EEFSEC: variants seen among roughly 807,000 people sequenced by gnomAD.
The protein encoded by EEFSEC is eukaryotic elongation factor, selenocysteine-tRNA specific.
In EEFSEC, 43 loss-of-function variants were observed where a neutral mutation model predicts 42.1. That is an observed-to-expected ratio of 1.02 (90% CI 0.80 to 1.32). The LOEUF (loss-of-function observed/expected upper bound fraction) is 1.32, where lower values mean the gene tolerates loss of function less well. EEFSEC is among the 40% of genes most tolerant of loss of function. The pLI is 0.00. For synonymous variants in EEFSEC, 354 were observed against 339.1 expected, an observed-to-expected ratio of 1.04 and a Z score of -0.48; for missense variants, 745 against 803.6, an observed-to-expected ratio of 0.93 and a Z score of 0.88.
intron 1 of EEFSEC, among the ~76,000 whole-genome samples, chr3:128,155,217 C>T (rs925379396): frequency 2.6e-5 from 4 of 152,080 alleles, no homozygotes; most frequent in Admixed American, 1.3e-4. Flanking sequence ...CCGGTTCAAG[C>T]GATTCTCCTG....
At chr3:128,163,221 G>A (rs2955118) in intron 1 of EEFSEC, among the ~76,000 whole-genome samples, 64,608 of 146,714 alleles carry the variant, frequency 0.44, 16,448 homozygotes, top group African/African-American at 0.72. Flanking sequence ...AGTCTTGGTG[G>A]GGGTAGAGCC....
intron 5 of EEFSEC, among the ~76,000 whole-genome samples, chr3:128,349,259 TG>T (rs1226034443): frequency 6.6e-6 from 1 of 150,850 alleles, no homozygotes; most frequent in African/African-American, 2.4e-5. Flanking sequence ...TTGGGGGCTA[TG>T]GGGGGTGTTC....
the EEFSEC span, among the ~76,000 whole-genome samples, chr3:128,420,031 C>G: frequency 6.6e-6 from 1 of 152,034 alleles, no homozygotes; most frequent in Non-Finnish European, 1.5e-5. Flanking sequence ...CCAGGAGAGA[C>G]AGAGACAGTG....
At chr3:128,156,093 T>C (rs752039304) in intron 1 of EEFSEC, among the ~76,000 whole-genome samples, 5 of 152,186 alleles carry the variant, frequency 3.3e-5, no homozygotes, top group Admixed American at 6.5e-5. Context: ...GTCTAGTAAA[T>C]AGGGTAGATG....
At chr3:128,192,740 G>T (rs1290644103) in intron 1 of EEFSEC, among the ~76,000 whole-genome samples, 1 of 152,136 alleles carries the variant, frequency 6.6e-6, no homozygotes, top group Non-Finnish European at 1.5e-5. Context: ...ATATTTGTTG[G>T]GGGAGGAGGT....
In EEFSEC at chr3:128,256,519, G is replaced by A. The variant is rs181822653; in HGVS notation, c.525-5609G>A. ...GCATCATGCCTCCCTTTCCTCATCA[G>A]CACCAAGACACTGGCAGCCGGGCCA... On this transcript the variant is annotated intron_variant, in intron 2 of 6. Coordinates refer to ENST00000254730, the MANE Select transcript of EEFSEC (RefSeq NM_021937.5). Among the ~76,000 whole-genome samples, 56 of 152,292 alleles carry A rather than the reference G, an allele frequency of 3.7e-4. No individual in the cohort carries two copies. In the East Asian group the frequency reaches 0.011, roughly 29 times the overall value.
chr3:128,238,487 C>T (rs1203428459), intron 1 of EEFSEC, among the ~76,000 whole-genome samples: 1 of 152,174 alleles, frequency 6.6e-6, no homozygotes, highest in East Asian at 1.9e-4. Flanking sequence ...CAATTCAGCT[C>T]TCAATCCACA....
At chr3:128,196,279 G>A (rs1402189615) in intron 1 of EEFSEC, among the ~76,000 whole-genome samples, 1 of 152,166 alleles carries the variant, frequency 6.6e-6, no homozygotes, top group South Asian at 2.1e-4. Context: ...AGAAACACAC[G>A]ATTTTCCTTG....
At chr3:128,338,769 T>C (rs1279983038) in intron 4 of EEFSEC, among the ~76,000 whole-genome samples, 3 of 151,872 alleles carry the variant, frequency 2.0e-5, no homozygotes, top group African/African-American at 7.3e-5. Context: ...GCCCTGTGAG[T>C]GAGGCTTTTC....
intron 6 of EEFSEC, among the ~76,000 whole-genome samples, chr3:128,369,622 G>A (rs737200): frequency 2.6e-5 from 4 of 152,198 alleles, no homozygotes; most frequent in Non-Finnish European, 5.9e-5. Flanking sequence ...CAAGAGCTTC[G>A]GAGGCAGCCA....
chr3:128,339,957 GA>G (rs989417507), intron 4 of EEFSEC, among the ~76,000 whole-genome samples: 4 of 152,260 alleles, frequency 2.6e-5, no homozygotes, highest in Middle Eastern at 3.4e-3. Flanking sequence ...CAGTATGGGG[GA>G]AAGCACCCCT....
rs2065532850 is a variant in EEFSEC, at chr3:128,192,300, G to A, written c.316+38477G>A. 2.6e-5 allele frequency among the ~76,000 whole-genome samples: 4 copies of A among 152,312 alleles called. No homozygotes were observed. The South Asian group carries it at 8.3e-4, about 32-fold the overall frequency. On this transcript the variant is annotated intron_variant, in intron 1 of 6. Coordinates refer to ENST00000254730, the MANE Select transcript of EEFSEC (RefSeq NM_021937.5). ...GTGAACCTGACACGGTTGGGTGTGA[G>A]AAGCCTGCTGGTTCTCAGGTGTGCC...
At chr3:128,425,319 C>G in the EEFSEC span, among the ~76,000 whole-genome samples, 1 of 152,198 alleles carries the variant, frequency 6.6e-6, no homozygotes, top group Non-Finnish European at 1.5e-5. Flanking sequence ...GGGATTCATG[C>G]TTGTGGCTGC....
chr3:128,300,804 C>T (rs1180044527), intron 4 of EEFSEC, among the ~76,000 whole-genome samples: 2 of 152,112 alleles, frequency 1.3e-5, no homozygotes, highest in Non-Finnish European at 2.9e-5. Flanking sequence ...AGAAGTTTGA[C>T]AATTTGAAAA....
chr3:128,334,306 C>T (rs538420562), intron 4 of EEFSEC, among the ~76,000 whole-genome samples: 1 of 152,304 alleles, frequency 6.6e-6, no homozygotes, highest in East Asian at 1.9e-4. Flanking sequence ...CTGCTTCTGC[C>T]CCAGGAGCCA....
chr3:128,286,752 G>A (rs1244052378), intron 4 of EEFSEC, among the ~76,000 whole-genome samples: 2 of 152,142 alleles, frequency 1.3e-5, no homozygotes, highest in Non-Finnish European at 2.9e-5. Context: ...TTGCTGCTGG[G>A]GCATCATTGC....
At chr3:128,289,875 C>T (rs1483091380) in intron 4 of EEFSEC, among the ~76,000 whole-genome samples, 1 of 152,160 alleles carries the variant, frequency 6.6e-6, no homozygotes, top group Non-Finnish European at 1.5e-5. Flanking sequence ...GATTGGCCAT[C>T]CCATAATCTT....
the EEFSEC span, among the ~76,000 whole-genome samples, chr3:128,421,475 GCA>G: frequency 0.044 from 6,691 of 152,202 alleles, 483 homozygotes; most frequent in African/African-American, 0.15. Flanking sequence ...TCTGGGCTGT[GCA>G]CAGTCTCCGG....
intron 4 of EEFSEC, among the ~76,000 whole-genome samples, chr3:128,278,587 G>A (rs1171899649): frequency 1.3e-5 from 2 of 152,262 alleles, no homozygotes; most frequent in Non-Finnish European, 2.9e-5. Context: ...TTTATGTGCT[G>A]TTGGTGGCTC....
Sources: allele counts gnomAD v4.1 joint callset (sites outside exome capture counted in the v4.1 genomes callset), GRCh38; gene constraint gnomAD v4.1.1; transcripts MANE v1.5; gene names NCBI Gene and HGNC (gene_info 2026-07-23, HGNC 2026-07-21).